The following SPATA13 variants were observed in gnomAD, a reference collection of about 807,000 sequenced individuals.
SPATA13 encodes spermatogenesis-associated protein 13.
SPATA13 carries 50 observed loss-of-function variants against 104.0 expected under a neutral mutation model. That is an observed-to-expected ratio of 0.48 (90% CI 0.38 to 0.61). SPATA13 has a LOEUF of 0.61. Among genes scored for constraint, SPATA13 ranks in the 20% least tolerant of loss-of-function variants. SPATA13 has a pLI of 0.00. For synonymous variants in SPATA13, 606 were observed against 667.5 expected (o/e 0.91, Z 1.42); for missense variants, 1,524 against 1,690.6 (o/e 0.90, Z 1.73).
chr13:24,232,119 C>A lies in SPATA13; in HGVS notation c.1653+7537C>A, dbSNP rs559285053. ...GCCAAGTACCAAGATCTGCCATCTG[C>A]AGCCTGGAGAACCAGGAAGCCAGAT... On this transcript the variant is annotated intron_variant, in intron 2 of 12. Coordinates refer to ENST00000382108, the MANE Select transcript of SPATA13 (RefSeq NM_001166271.3). Among the ~76,000 whole-genome samples the A allele has an allele frequency of 2.0e-5, 3 of 152,350 alleles. No homozygotes were observed. In the South Asian group the frequency reaches 6.2e-4, roughly 32 times the overall value.
intron 8 of SPATA13, 66 bp downstream of exon 8, chr13:24,289,244 G>T (rs1332221740): frequency 1.6e-6 from 2 of 1,289,738 alleles, no homozygotes; most frequent in East Asian, 2.3e-5. Context: ...CATCTCCACA[G>T]AAAACAGGAG....
At chr13:24,244,322 C>T (rs1338582273) in intron 2 of SPATA13, among the ~76,000 whole-genome samples, 1 of 152,218 alleles carries the variant, frequency 6.6e-6, no homozygotes, top group Non-Finnish European at 1.5e-5. Flanking sequence ...TACTGGGACA[C>T]TTGCTATTTG....
chr13:24,072,505 A>G (rs1328832224), intron 3 of SPATA13, among the ~76,000 whole-genome samples: 3 of 152,076 alleles, frequency 2.0e-5, no homozygotes, highest in Non-Finnish European at 4.4e-5. Context: ...TGATGCACCT[A>G]CTTCACTTTA....
chr13:24,278,733 A>G lies in SPATA13; in HGVS notation c.2165-5402A>G, dbSNP rs570336029. On this transcript the variant is annotated intron_variant, in intron 4 of 12. Coordinates refer to ENST00000382108, the MANE Select transcript of SPATA13 (RefSeq NM_001166271.3). ...TTATCATCCACATTCAACAGGTGAAAAAACAAAGAAAGAAACTTGACCAAG... is the reference window on the plus strand; with the variant it reads ...TTATCATCCACATTCAACAGGTGAAGAAACAAAGAAAGAAACTTGACCAAG... The G allele has an allele frequency of 6.3e-6, 10 of 1,588,138 alleles. No homozygotes were observed. The East Asian group carries it at 2.3e-4, about 36-fold the overall frequency.
At chr13:24,254,378 T>G (rs570571819) in intron 4 of SPATA13, 4 of 152,228 alleles carry the variant, frequency 2.6e-5, no homozygotes, top group Non-Finnish European at 5.9e-5. Flanking sequence ...GGCCAGCCTC[T>G]CCAAATTAGT....
At chr13:24,010,930 C>T (rs527601099) in intron 2 of SPATA13, among the ~76,000 whole-genome samples, 4 of 151,398 alleles carry the variant, frequency 2.6e-5, no homozygotes, top group Admixed American at 2.6e-4. Flanking sequence ...ATGCTTTGCC[C>T]CACTGGTGAC....
chr13:24,151,419 C>T (rs1376359704), intron 3 of SPATA13, among the ~76,000 whole-genome samples: 1 of 152,210 alleles, frequency 6.6e-6, no homozygotes, highest in Admixed American at 6.5e-5. Flanking sequence ...ATATGCAACA[C>T]AGTGCCTGGC....
At chr13:24,201,427 C>T (rs957755741) in intron 1 of SPATA13, among the ~76,000 whole-genome samples, 8 of 133,782 alleles carry the variant, frequency 6.0e-5, no homozygotes, top group African/African-American at 2.2e-4. Flanking sequence ...TAACTAAAGT[C>T]CATGGTTGAC....
intron 3 of SPATA13, among the ~76,000 whole-genome samples, chr13:24,038,142 T>C: frequency 6.6e-6 from 1 of 152,116 alleles, no homozygotes; most frequent in East Asian, 1.9e-4. Context: ...CTCGATCTCC[T>C]GACCTCGTGA....
intron 4 of SPATA13, among the ~76,000 whole-genome samples, chr13:24,252,437 A>G (rs904112319): frequency 5.3e-5 from 8 of 152,290 alleles, no homozygotes; most frequent in South Asian, 2.1e-4. Context: ...ATAAGGTCAC[A>G]CTCATGGGTA....
At chr13:24,175,194 G>A (rs1043845323) in intron 1 of SPATA13, among the ~76,000 whole-genome samples, 3 of 152,060 alleles carry the variant, frequency 2.0e-5, no homozygotes, top group Non-Finnish European at 4.4e-5. Flanking sequence ...GCAGTGGACT[G>A]TTTTGCTACA....
At chr13:24,125,095 T>A (rs962543280) in intron 3 of SPATA13, among the ~76,000 whole-genome samples, 2 of 152,238 alleles carry the variant, frequency 1.3e-5, no homozygotes, top group Non-Finnish European at 1.5e-5. Flanking sequence ...GCCATTTGTT[T>A]CCTTTCTCTC....
intron 3 of SPATA13, among the ~76,000 whole-genome samples, chr13:24,041,540 T>C (rs932198956): frequency 1.3e-5 from 2 of 152,226 alleles, no homozygotes; most frequent in African/African-American, 4.8e-5. Context: ...ACCTTGTAGG[T>C]CAAAGGTTAA....
At chr13:24,087,368 A>T (rs1219497881) in intron 3 of SPATA13, among the ~76,000 whole-genome samples, 2 of 152,202 alleles carry the variant, frequency 1.3e-5, no homozygotes, top group African/African-American at 4.8e-5. Context: ...TCCCTCCCCC[A>T]GGGGCAGGAT....
intron 3 of SPATA13, among the ~76,000 whole-genome samples, chr13:24,107,966 A>C (rs1305245153): frequency 6.6e-6 from 1 of 152,200 alleles, no homozygotes; most frequent in Non-Finnish European, 1.5e-5. Context: ...CGATATCACA[A>C]ACTGGGTTAT....
chr13:24,030,601 A>C (rs1877436056), intron 3 of SPATA13, among the ~76,000 whole-genome samples: 1 of 152,086 alleles, frequency 6.6e-6, no homozygotes, highest in Admixed American at 6.5e-5. Context: ...GCGCCCTAGA[A>C]CTGGAAGATG....
intron 1 of SPATA13, among the ~76,000 whole-genome samples, chr13:24,197,277 C>G (rs1199057560): frequency 4.6e-5 from 7 of 152,100 alleles, no homozygotes; most frequent in Admixed American, 4.6e-4. Flanking sequence ...AACAGAGACT[C>G]AGTAGGAAGA....
intron 3 of SPATA13, among the ~76,000 whole-genome samples, chr13:24,145,080 C>A (rs1881886451): frequency 6.6e-6 from 1 of 152,132 alleles, no homozygotes; most frequent in Non-Finnish European, 1.5e-5. Context: ...CTGAAGTGGG[C>A]AAGTCAAAGG....
intron 1 of SPATA13, among the ~76,000 whole-genome samples, chr13:23,983,558 T>G (rs1875004507): frequency 6.6e-6 from 1 of 152,208 alleles, no homozygotes; most frequent in African/African-American, 2.4e-5. Flanking sequence ...ATTGCTTTGT[T>G]ATTCTCATTA....
Sources: allele counts gnomAD v4.1 joint callset (sites outside exome capture counted in the v4.1 genomes callset), GRCh38; gene constraint gnomAD v4.1.1; transcripts MANE v1.5; gene names NCBI Gene and HGNC (gene_info 2026-07-23, HGNC 2026-07-21).